The following ZNF385D variants were observed in gnomAD, a reference collection of about 807,000 sequenced individuals.
ZNF385D encodes zinc finger protein 659.
Under a neutral mutation model 35.8 loss-of-function variants are expected in ZNF385D, and 15 were observed. That is an observed-to-expected ratio of 0.42 (90% confidence interval 0.28 to 0.64). ZNF385D has a LOEUF of 0.64. Among genes scored for constraint, ZNF385D ranks in the 30% least tolerant of loss-of-function variants. The pLI is 0.23. For synonymous variants in ZNF385D, 212 were observed against 186.8 expected (o/e 1.13, Z -1.10); for missense variants, 474 against 494.6 (o/e 0.96, Z 0.39).
intron 4 of ZNF385D, among the ~76,000 whole-genome samples, chr3:21,477,236 AAAACAAAACAAAACT>A (rs1704312452): frequency 6.6e-6 from 1 of 152,080 alleles, no homozygotes; most frequent in African/African-American, 2.4e-5. Flanking sequence ...TGTCTAAACT[AAAACAAAACAAAACT>A]AAACAAAACA....
Position 22,199,523 on chromosome 3 carries a change from G to C in ZNF385D, c.107-30488C>G, listed in dbSNP as rs141954606. ...ATAGAGTCAGGAAATTTGGCTTTCT[G>C]ACTTCAAGTTTAATATTACTGAAAA... On this transcript the variant is annotated intron_variant, in intron 2 of 5. Coordinates refer to the ZNF385D transcript ENST00000494108. 1.1e-3 allele frequency among the ~76,000 whole-genome samples: 172 copies of C among 152,102 alleles called. 1 individual carries two copies. Among genetic ancestry groups the C allele is most frequent in the East Asian group, 1.9e-3 (10 of 5,152 alleles).
At chr3:21,969,587 C>G (rs1703120354) in intron 3 of ZNF385D, among the ~76,000 whole-genome samples, 1 of 152,138 alleles carries the variant, frequency 6.6e-6, no homozygotes, top group Non-Finnish European at 1.5e-5. Context: ...AGGCCCTGGT[C>G]CTGGATGACA....
intron 3 of ZNF385D, among the ~76,000 whole-genome samples, chr3:21,548,307 T>C (rs1173608500): frequency 1.3e-5 from 2 of 152,156 alleles, no homozygotes; most frequent in South Asian, 2.1e-4. Context: ...TGAGGAAAAA[T>C]GTTTCTGGTT....
intron 3 of ZNF385D, among the ~76,000 whole-genome samples, chr3:21,521,115 G>T (rs990542836): frequency 3.9e-5 from 6 of 152,118 alleles, no homozygotes; most frequent in Admixed American, 1.3e-4. Context: ...TTATGAACTT[G>T]CCCCAGAGAT....
At chr3:22,079,439 T>A (rs1195960727) in intron 3 of ZNF385D, among the ~76,000 whole-genome samples, 1 of 151,930 alleles carries the variant, frequency 6.6e-6, no homozygotes, top group Non-Finnish European at 1.5e-5. Context: ...TTTCTATAAT[T>A]CTAAATGGAG....
intron 3 of ZNF385D, among the ~76,000 whole-genome samples, chr3:21,963,594 T>C (rs942046417): frequency 4.6e-5 from 7 of 152,212 alleles, no homozygotes; most frequent in Non-Finnish European, 1.0e-4. Flanking sequence ...ACAAGTTGTT[T>C]CATACTTTCC....
chr3:21,499,363 C>A (rs962796661), intron 4 of ZNF385D, among the ~76,000 whole-genome samples: 9 of 152,172 alleles, frequency 5.9e-5, no homozygotes, highest in African/African-American at 1.9e-4. Context: ...TTATCCTAAG[C>A]GAACTAACAC....
chr3:22,356,974 G>A (rs576784314), intron 2 of ZNF385D, among the ~76,000 whole-genome samples: 1 of 151,914 alleles, frequency 6.6e-6, no homozygotes, highest in Non-Finnish European at 1.5e-5. Flanking sequence ...AGAATGTATA[G>A]GAAACAAGAT....
chr3:21,478,923 T>C (rs1403052665), intron 4 of ZNF385D, among the ~76,000 whole-genome samples: 3 of 152,028 alleles, frequency 2.0e-5, no homozygotes, highest in South Asian at 4.1e-4. Flanking sequence ...GGTTTTAAAA[T>C]GTTTAGGTCA....
chr3:22,101,490 G>T (rs781665856), intron 3 of ZNF385D, among the ~76,000 whole-genome samples: 15 of 152,068 alleles, frequency 9.9e-5, no homozygotes, highest in Non-Finnish European at 1.8e-4. Context: ...GTAATCAGCA[G>T]ATGTAAGGTT....
intron 4 of ZNF385D, among the ~76,000 whole-genome samples, chr3:21,478,859 A>T (rs926290035): frequency 6.6e-6 from 1 of 152,138 alleles, no homozygotes; most frequent in African/African-American, 2.4e-5. Flanking sequence ...TTTTCTATTT[A>T]CCTACATTCA....
At chr3:22,277,551 T>G (rs1228899682) in intron 2 of ZNF385D, among the ~76,000 whole-genome samples, 4 of 152,084 alleles carry the variant, frequency 2.6e-5, no homozygotes, top group African/African-American at 9.7e-5. Flanking sequence ...TCAAACGAAT[T>G]AAAGCATAAA....
intron 3 of ZNF385D, among the ~76,000 whole-genome samples, chr3:21,563,637 G>C (rs867739430): frequency 6.6e-6 from 1 of 152,128 alleles, no homozygotes; most frequent in Non-Finnish European, 1.5e-5. Context: ...ATACTGGAAG[G>C]CTTAACGTTG....
intron 2 of ZNF385D, among the ~76,000 whole-genome samples, chr3:22,244,863 T>C (rs950562486): frequency 2.8e-5 from 4 of 143,006 alleles, no homozygotes; most frequent in Non-Finnish European, 6.0e-5. Flanking sequence ...GGCTGGCATG[T>C]ACCCAGTCAA....
At chr3:22,198,805 C>G (rs1408486942) in intron 2 of ZNF385D, among the ~76,000 whole-genome samples, 1 of 152,060 alleles carries the variant, frequency 6.6e-6, no homozygotes, top group Non-Finnish European at 1.5e-5. Flanking sequence ...CTTGTCCCAT[C>G]ATTAACTTTC....
intron 3 of ZNF385D, among the ~76,000 whole-genome samples, chr3:22,106,857 T>C (rs1702240368): frequency 6.6e-6 from 1 of 152,072 alleles, no homozygotes; most frequent in Non-Finnish European, 1.5e-5. Flanking sequence ...TCCCTTAACT[T>C]GTGATTTGGG....
intron 2 of ZNF385D, among the ~76,000 whole-genome samples, chr3:22,177,395 T>C (rs1409680666): frequency 2.0e-5 from 3 of 152,118 alleles, no homozygotes; most frequent in Admixed American, 6.5e-5. Flanking sequence ...TGGTGAAAAG[T>C]TATGCCAAGA....
At chr3:22,217,120 G>T (rs751188948) in intron 2 of ZNF385D, among the ~76,000 whole-genome samples, 2 of 152,106 alleles carry the variant, frequency 1.3e-5, no homozygotes, top group Non-Finnish European at 2.9e-5. Context: ...CAGTGAATTT[G>T]CAAGAGAGGA....
intron 3 of ZNF385D, among the ~76,000 whole-genome samples, chr3:21,812,243 T>C (rs560561278): frequency 1.4e-4 from 22 of 152,194 alleles, no homozygotes; most frequent in Non-Finnish European, 3.1e-4. Context: ...TCCAAGATGG[T>C]CGAATAGGAA....
Sources: allele counts gnomAD v4.1 joint callset (sites outside exome capture counted in the v4.1 genomes callset), GRCh38; gene constraint gnomAD v4.1.1; transcripts MANE v1.5; gene names NCBI Gene and HGNC (gene_info 2026-07-23, HGNC 2026-07-21).